Variants in FILIP1L observed in about 807,000 individuals in gnomAD.
FILIP1L encodes filamin A-interacting protein 1-like.
Under a neutral mutation model 96.6 loss-of-function variants are expected in FILIP1L, and 55 were observed. The ratio of observed to expected loss-of-function variants is 0.57; its 90% CI spans 0.46 to 0.71. The LOEUF is 0.71. FILIP1L is among the 30% of genes least tolerant of loss of function. FILIP1L has a pLI of 0.00. For missense variants in FILIP1L, 1,304 were observed against 1,321.2 expected (o/e 0.99, Z 0.20); for synonymous variants, 467 against 473.9 (o/e 0.99, Z 0.19).
intron 1 of FILIP1L, among the ~76,000 whole-genome samples, chr3:100,034,645 G>A (rs1330470197): frequency 6.6e-6 from 1 of 152,148 alleles, no homozygotes; most frequent in Non-Finnish European, 1.5e-5. Flanking sequence ...GATAGCAAAT[G>A]TCTAGTATTT....
At chr3:99,952,125 G>C (rs1287969910) in intron 1 of FILIP1L, among the ~76,000 whole-genome samples, 1 of 151,930 alleles carries the variant, frequency 6.6e-6, no homozygotes, top group African/African-American at 2.4e-5. Flanking sequence ...CATCACCAGA[G>C]GTTGTTAAGA....
chr3:99,843,486 A>C (rs1432209238), intron 5 of FILIP1L, among the ~76,000 whole-genome samples: 1 of 152,178 alleles, frequency 6.6e-6, no homozygotes, highest in Non-Finnish European at 1.5e-5. Context: ...AAAGAGAGGG[A>C]CTATGGTCAG....
At chr3:100,005,963 ATCC>A (rs1709974014) in intron 1 of FILIP1L, among the ~76,000 whole-genome samples, 1 of 152,124 alleles carries the variant, frequency 6.6e-6, no homozygotes, top group Non-Finnish European at 1.5e-5. Context: ...TGCTTTTTCA[ATCC>A]ACACATGCCA....
At chr3:100,037,956 TG>T (rs1313968492) in intron 1 of FILIP1L, among the ~76,000 whole-genome samples, 40 of 87,844 alleles carry the variant, frequency 4.6e-4, no homozygotes, top group Admixed American at 2.2e-3. Flanking sequence ...TTTTTTTTTT[TG>T]GGGGGGGAGG....
At chr3:100,045,664 CTGAT>C (rs1280896736) in intron 1 of FILIP1L, among the ~76,000 whole-genome samples, 15 of 152,180 alleles carry the variant, frequency 9.9e-5, no homozygotes, top group African/African-American at 3.1e-4. Context: ...GCTGCAGTGA[CTGAT>C]TGATTTGTTG....
chr3:100,052,671 T>G (rs2065393972), intron 1 of FILIP1L, among the ~76,000 whole-genome samples: 1 of 152,222 alleles, frequency 6.6e-6, no homozygotes, highest in Non-Finnish European at 1.5e-5. Context: ...AATGCAATGT[T>G]TCTTTCTATA....
intron 1 of FILIP1L, among the ~76,000 whole-genome samples, chr3:99,947,447 C>G (rs76759185): frequency 0.051 from 7,721 of 152,220 alleles, 291 homozygotes; most frequent in South Asian, 0.13. Context: ...TAACCACTCT[C>G]CAGTCCTTCC....
chr3:100,103,824 C>G (rs911123771), intron 1 of FILIP1L, among the ~76,000 whole-genome samples: 9 of 152,086 alleles, frequency 5.9e-5, no homozygotes, highest in African/African-American at 1.9e-4. Flanking sequence ...TCTGTGTTAT[C>G]CTAAAGAAAA....
chr3:100,014,895 C>CTTTTTTTTTT (rs1233573719), intron 1 of FILIP1L, among the ~76,000 whole-genome samples: 1 of 25,004 alleles, frequency 4.0e-5, no homozygotes, highest in Non-Finnish European at 7.0e-5. Flanking sequence ...TTCTTTCTTT[C>CTTTTTTTTTT]TTTTTTTTTT....
At chr3:99,926,020 A>C (rs1707282562) in intron 3 of FILIP1L, 1 of 223,268 alleles carries the variant, frequency 4.5e-6, no homozygotes, top group African/African-American at 2.3e-5. Flanking sequence ...TCTAGATTAG[A>C]TACAGATGCA....
At position 99,983,389 on chromosome 3, in the gene FILIP1L, A is replaced by ATATATAT. The variant is rs1559713312; in HGVS notation, c.-10-52360_-10-52359insATATATA. 3.9e-4 allele frequency among the ~76,000 whole-genome samples: 16 copies of ATATATAT among 40,792 alleles called. 1 individual carries two copies. Among genetic ancestry groups the ATATATAT allele is most frequent in the African/African-American group, 1.4e-3 (14 of 9,794 alleles). The allele number at this position is 40,792 out of a possible 152,430, so 26.8% of individuals were successfully genotyped here. On this transcript the variant is annotated intron_variant, in intron 1 of 5. Transcript: ENST00000477258. ...TCTCTACTTAAAAAATAAATAAATA[A>ATATATAT]ATATATATATATATATATATATATA...
intron 5 of FILIP1L, among the ~76,000 whole-genome samples, chr3:99,836,591 A>G (rs564364514): frequency 6.6e-6 from 1 of 152,256 alleles, no homozygotes; most frequent in South Asian, 2.1e-4. Context: ...GTACTTCTAC[A>G]TCCCTTTCCC....
At chr3:99,983,872 C>A (rs192437199) in intron 1 of FILIP1L, among the ~76,000 whole-genome samples, 24 of 151,956 alleles carry the variant, frequency 1.6e-4, no homozygotes, top group Admixed American at 1.5e-3. Flanking sequence ...GAATAACTTG[C>A]CAGAAGAAGT....
At chr3:100,086,594 A>G (rs1011926981) in intron 1 of FILIP1L, among the ~76,000 whole-genome samples, 1 of 152,356 alleles carries the variant, frequency 6.6e-6, no homozygotes, top group Middle Eastern at 3.4e-3. Flanking sequence ...CACCAGGCTA[A>G]CGTCCAAAAT....
At chr3:99,998,075 G>C (rs1709734037) in intron 1 of FILIP1L, among the ~76,000 whole-genome samples, 1 of 152,212 alleles carries the variant, frequency 6.6e-6, no homozygotes, top group Non-Finnish European at 1.5e-5. Context: ...AGTTTAACTT[G>C]TGAGTTAAAA....
chr3:100,004,489 G>A (rs1709933199), intron 1 of FILIP1L, among the ~76,000 whole-genome samples: 1 of 152,152 alleles, frequency 6.6e-6, no homozygotes, highest in Non-Finnish European at 1.5e-5. Context: ...CATCAGAGTG[G>A]TGGAGAAAAA....
intron 4 of FILIP1L, among the ~76,000 whole-genome samples, chr3:99,909,172 T>C (rs941613627): frequency 3.9e-5 from 6 of 152,148 alleles, no homozygotes; most frequent in African/African-American, 9.7e-5. Flanking sequence ...AGGCTATGGG[T>C]GAAAGACATG....
intron 1 of FILIP1L, among the ~76,000 whole-genome samples, chr3:99,985,916 G>A (rs1050832353): frequency 6.0e-5 from 9 of 150,640 alleles, no homozygotes; most frequent in Non-Finnish European, 1.2e-4. Context: ...AGTTCTGTTG[G>A]ATATATTCAT....
intron 4 of FILIP1L, chr3:99,898,177 G>A (rs1258503617): frequency 6.6e-6 from 1 of 151,976 alleles, no homozygotes; most frequent in South Asian, 2.1e-4. Flanking sequence ...CAATATTTTT[G>A]TTGCATATTT....
Sources: allele counts gnomAD v4.1 joint callset (sites outside exome capture counted in the v4.1 genomes callset), GRCh38; gene constraint gnomAD v4.1.1; transcripts MANE v1.5; gene names NCBI Gene and HGNC (gene_info 2026-07-23, HGNC 2026-07-21).